NYAP2: variants seen among roughly 807,000 people sequenced by gnomAD.
NYAP2 encodes the protein neuronal tyrosine-phosphorylated phosphoinositide-3-kinase adaptor 2.
A neutral mutation model predicts 50.4 loss-of-function variants in NYAP2; 23 were observed. The ratio of observed to expected loss-of-function variants is 0.46; its 90% CI spans 0.33 to 0.65. The LOEUF (loss-of-function observed/expected upper bound fraction) is 0.65, where lower values mean the gene tolerates loss of function less well. Ranked by LOEUF, NYAP2 falls within the 30% of genes least tolerant of loss-of-function variation. The pLI is 0.02. For synonymous variants in NYAP2, 394 were observed against 365.2 expected (o/e 1.08, Z -0.90); for missense variants, 885 against 861.0 (o/e 1.03, Z -0.35).
intron 3 of NYAP2, among the ~76,000 whole-genome samples, chr2:225,425,595 T>G (rs2106129793): frequency 6.6e-6 from 1 of 152,362 alleles, no homozygotes; most frequent in South Asian, 2.1e-4. Context: ...TTTCTATTGT[T>G]GAGTTTCTGT....
intron 3 of NYAP2, among the ~76,000 whole-genome samples, chr2:225,478,342 G>A (rs1690151960): frequency 6.6e-6 from 1 of 151,454 alleles, no homozygotes; most frequent in Admixed American, 6.6e-5. Flanking sequence ...GAAGAAGCCA[G>A]TCTCTCTCTC....
At chr2:225,530,744 A>G (rs1691239742) in intron 4 of NYAP2, among the ~76,000 whole-genome samples, 2 of 152,140 alleles carry the variant, frequency 1.3e-5, no homozygotes, top group African/African-American at 2.4e-5. Context: ...GAGAGCCTTC[A>G]AACTTGTCAT....
chr2:225,437,728 C>T (rs1255815518), intron 3 of NYAP2, among the ~76,000 whole-genome samples: 1 of 152,172 alleles, frequency 6.6e-6, no homozygotes, highest in African/African-American at 2.4e-5. Flanking sequence ...ATTTAATCAT[C>T]CCTTCAGATG....
intron 4 of NYAP2, among the ~76,000 whole-genome samples, chr2:225,534,503 T>A (rs1691312819): frequency 6.6e-6 from 1 of 152,228 alleles, no homozygotes; most frequent in South Asian, 2.1e-4. Flanking sequence ...AAGTAAGCAG[T>A]TGATAAATCA....
chr2:225,437,509 G>A (rs536056825), intron 3 of NYAP2, among the ~76,000 whole-genome samples: 295 of 152,304 alleles, frequency 1.9e-3, no homozygotes, highest in African/African-American at 6.6e-3. Flanking sequence ...CACACTGCTT[G>A]TAGATCACAA....
chr2:225,615,660 C>G lies in NYAP2; in HGVS notation c.1619-11257C>G, dbSNP rs1304985428. ...GTACTCCCGATGCAAATTTAGAACT[C>G]TCACTTTCCTGGTCACCATGACCTG... On this transcript the variant is annotated intron_variant, in intron 5 of 6. Coordinates refer to ENST00000636099, the Ensembl canonical transcript of NYAP2. Among the ~76,000 whole-genome samples the G allele has an allele frequency of 1.1e-4, 16 of 152,134 alleles. 1 individual carries two copies.
At chr2:225,504,011 T>C (rs1053450202) in intron 3 of NYAP2, among the ~76,000 whole-genome samples, 1 of 152,180 alleles carries the variant, frequency 6.6e-6, no homozygotes, top group Non-Finnish European at 1.5e-5. Context: ...TGGAAACTTA[T>C]TAAAAATGGC....
chr2:225,491,611 C>T (rs1690408625), intron 3 of NYAP2, among the ~76,000 whole-genome samples: 1 of 152,308 alleles, frequency 6.6e-6, no homozygotes, highest in African/African-American at 2.4e-5. Flanking sequence ...TATTTCCCCT[C>T]CTCCAATACG....
intron 3 of NYAP2, among the ~76,000 whole-genome samples, chr2:225,455,548 C>T (rs766951556): frequency 4.6e-5 from 7 of 152,074 alleles, no homozygotes; most frequent in Non-Finnish European, 1.0e-4. Context: ...GCCAATGACT[C>T]AGTGTAAAAT....
At chr2:225,538,794 C>CTTTTCT (rs1248010073) in intron 4 of NYAP2, among the ~76,000 whole-genome samples, 20 of 71,830 alleles carry the variant, frequency 2.8e-4, no homozygotes, top group South Asian at 1.2e-3. Context: ...TTCTTTCTTT[C>CTTTTCT]TTTCTTTCTT....
chr2:225,545,327 G>A (rs1398215115), intron 4 of NYAP2, among the ~76,000 whole-genome samples: 16 of 151,786 alleles, frequency 1.1e-4, no homozygotes, highest in Non-Finnish European at 7.4e-5. Flanking sequence ...TCTTAGATTC[G>A]CCCTTTTGAG....
chr2:225,616,247 T>C (rs1316911200), intron 5 of NYAP2, among the ~76,000 whole-genome samples: 1 of 152,186 alleles, frequency 6.6e-6, no homozygotes, highest in Non-Finnish European at 1.5e-5. Context: ...AGAGAAGGCA[T>C]CCCTTGGATG....
At chr2:225,538,773 TTTTCTTTTCTTTCTTTCTTTCTTTC>T (rs1185356941) in intron 4 of NYAP2, among the ~76,000 whole-genome samples, 6 of 95,872 alleles carry the variant, frequency 6.3e-5, no homozygotes, top group African/African-American at 1.3e-4. Flanking sequence ...TTTTCTTTTC[TTTTCTTTTCTTTCTTTCTTTCTTTC>T]TTTCTTTCTT....
chr2:225,412,455 G>A (rs976690007), intron 3 of NYAP2, among the ~76,000 whole-genome samples: 1 of 151,576 alleles, frequency 6.6e-6, no homozygotes, highest in Non-Finnish European at 1.5e-5. Context: ...GATGGAGCAC[G>A]GACTGCTCAG....
intron 5 of NYAP2, among the ~76,000 whole-genome samples, chr2:225,624,150 A>T (rs958313797): frequency 1.8e-4 from 28 of 152,240 alleles, no homozygotes; most frequent in African/African-American, 6.5e-4. Context: ...ATACTGCCTG[A>T]CCAGGTTGCT....
At chr2:225,540,571 T>C (rs1691444828) in intron 4 of NYAP2, among the ~76,000 whole-genome samples, 1 of 152,216 alleles carries the variant, frequency 6.6e-6, no homozygotes, top group Non-Finnish European at 1.5e-5. Flanking sequence ...ACTTGGTCCC[T>C]TCCACAACAC....
At chr2:225,692,907 A>G in the NYAP2 span, among the ~76,000 whole-genome samples, 2 of 151,968 alleles carry the variant, frequency 1.3e-5, no homozygotes, top group Admixed American at 6.6e-5. Context: ...ATTTACACAT[A>G]TATGTGTGTG....
intron 3 of NYAP2, among the ~76,000 whole-genome samples, chr2:225,455,905 G>T (rs781421473): frequency 1.3e-5 from 2 of 152,160 alleles, no homozygotes; most frequent in Non-Finnish European, 2.9e-5. Flanking sequence ...GTGATGCATA[G>T]ACCTGCCGTT....
chr2:225,409,410 C>A (rs1204086328), intron 3 of NYAP2, among the ~76,000 whole-genome samples: 1 of 152,088 alleles, frequency 6.6e-6, no homozygotes, highest in Non-Finnish European at 1.5e-5. Context: ...CAAGGGAACA[C>A]ACAAACCTTT....
Sources: allele counts gnomAD v4.1 joint callset (sites outside exome capture counted in the v4.1 genomes callset), GRCh38; gene constraint gnomAD v4.1.1; transcripts MANE v1.5; gene names NCBI Gene and HGNC (gene_info 2026-07-23, HGNC 2026-07-21).